The following KLF17 variants were observed in gnomAD, a reference collection of about 807,000 sequenced individuals.
KLF17 encodes KLF transcription factor 17, also known as Krueppel-like factor 17.
KLF17 carries 31 observed loss-of-function variants against 34.2 expected under a neutral mutation model. The observed-to-expected ratio is 0.91, with a 90% confidence interval of 0.68 to 1.22. KLF17 has a LOEUF of 1.22. Among genes scored for constraint, KLF17 ranks in the 50% most tolerant of loss-of-function variants. The pLI, the probability that KLF17 is intolerant of heterozygous loss-of-function variation, is 0.00. For missense variants in KLF17, 478 were observed against 505.2 expected (o/e 0.95, Z 0.52); for synonymous variants, 179 against 186.7 (o/e 0.96, Z 0.34).
the KLF17 span, among the ~76,000 whole-genome samples, chr1:44,070,194 AT>A: frequency 6.6e-6 from 1 of 152,052 alleles, no homozygotes; most frequent in Non-Finnish European, 1.5e-5. Context: ...TTTTTAAGTG[AT>A]TTTTTAAATT....
At position 44,130,393 on chromosome 1, in the gene KLF17, C is replaced by T. The variant is rs979169334; in HGVS notation, c.926-119C>T. 7 of 1,440,028 alleles carry T rather than the reference C, an allele frequency of 4.9e-6. No individual in the cohort carries two copies. The African/African-American group carries it at 5.6e-5, about 12-fold the overall frequency. The allele number at this position is 1,440,028 out of a possible 1,614,324, so 89.2% of individuals were successfully genotyped here. ...GCGGGCACTCCTGATTGTGTTGCCC[C>T]TCCCTGGTTCCCTGGACCTTCCCTT... On this transcript the variant is annotated intron_variant, in intron 2 of 3. Transcript: ENST00000372299.
the KLF17 span, among the ~76,000 whole-genome samples, chr1:44,092,708 A>G: frequency 6.6e-6 from 1 of 151,892 alleles, no homozygotes; most frequent in Admixed American, 6.6e-5. Context: ...GGCTCAAGCA[A>G]TCCTCTCACC....
At chr1:44,122,095 C>A in intron 1 of KLF17, 1 of 1,069,236 alleles carries the variant, frequency 9.4e-7, no homozygotes, top group Admixed American at 1.9e-5. Context: ...ATAAACACAA[C>A]CTGTACAAAA....
At chr1:44,063,846 AC>A in the KLF17 span, among the ~76,000 whole-genome samples, 1 of 152,194 alleles carries the variant, frequency 6.6e-6, no homozygotes, top group South Asian at 2.1e-4. Context: ...GAATCTTGGG[AC>A]CATCTTAGTA....
the KLF17 span, chr1:44,103,460 G>C: frequency 1.2e-6 from 1 of 842,124 alleles, no homozygotes; most frequent in East Asian, 2.4e-5. Flanking sequence ...AGCCCAGACC[G>C]TAGCTGAGGC....
chr1:44,086,515 T>C, the KLF17 span, among the ~76,000 whole-genome samples: 3 of 151,890 alleles, frequency 2.0e-5, no homozygotes, highest in South Asian at 4.1e-4. Context: ...AAAAATAAAT[T>C]AAAAGCAGAG....
the KLF17 span, chr1:44,105,311 G>A: frequency 1.3e-5 from 2 of 152,072 alleles, no homozygotes; most frequent in African/African-American, 4.8e-5. Flanking sequence ...TTTTGAAGTG[G>A]GTGGTGGTGG....
rs769752999 is a variant in KLF17, at chr1:44,129,674, G to C, written c.403G>C (p.Val135Leu). The change falls in exon 2 of 4, where the codon GTA becomes CTA. Residue 135 changes from valine (V) to leucine (L), a missense_variant. Transcript: ENST00000372299. ...TIFSGPQLMP[V>L]GEPNIPRVAR... ...TTTCAGTGGGCCCCAACTAATGCCCGTAGGAGAGCCCAATATTCCAAGGGT... is the reference window on the plus strand; with the variant it reads ...TTTCAGTGGGCCCCAACTAATGCCCCTAGGAGAGCCCAATATTCCAAGGGT... 1 of 1,614,136 alleles carries C rather than the reference G, an allele frequency of 6.2e-7. No individual in the cohort carries two copies. The highest frequency in any genetic ancestry group is 8.5e-7 in the Non-Finnish European group (1 of 1,180,022).
chr1:44,093,809 T>G, the KLF17 span, among the ~76,000 whole-genome samples: 1 of 152,358 alleles, frequency 6.6e-6, no homozygotes, highest in African/African-American at 2.4e-5. Flanking sequence ...GTTAGTCAGA[T>G]AAGGGAAGTT....
chr1:44,049,321 CACA>C, the KLF17 span, among the ~76,000 whole-genome samples: 2 of 152,120 alleles, frequency 1.3e-5, no homozygotes. Context: ...TTGGGGGGCA[CACA>C]ACATTTAGTT....
intron 1 of KLF17, among the ~76,000 whole-genome samples, chr1:44,122,709 T>C (rs1170124226): frequency 6.6e-6 from 1 of 151,896 alleles, no homozygotes; most frequent in Non-Finnish European, 1.5e-5. Flanking sequence ...GCGATTCTCA[T>C]GCCTCAGCCT....
chr1:44,088,107 T>A, the KLF17 span: 1,379 of 182,654 alleles, frequency 7.5e-3, 19 homozygotes, highest in South Asian at 0.02. Context: ...GCACTCTTAT[T>A]TTTATTTATT....
At chr1:44,096,479 A>C in the KLF17 span, among the ~76,000 whole-genome samples, 102 of 151,022 alleles carry the variant, frequency 6.8e-4, no homozygotes, top group Admixed American at 4.0e-3. Context: ...ACTCACTGCA[A>C]GCTCCGCCTC....
At chr1:44,127,535 C>CTCCT (rs758472075) in intron 1 of KLF17, among the ~76,000 whole-genome samples, 1 of 147,868 alleles carries the variant, frequency 6.8e-6, no homozygotes, top group African/African-American at 2.5e-5. Context: ...CCCTCCTTCC[C>CTCCT]TCCTTCCTTC....
intron 1 of KLF17, among the ~76,000 whole-genome samples, chr1:44,123,147 AC>A (rs1252871060): frequency 1.3e-5 from 2 of 152,082 alleles, no homozygotes; most frequent in African/African-American, 2.4e-5. Flanking sequence ...CCCAAAATGA[AC>A]CATGATTGAT....
chr1:44,046,436 A>G, the KLF17 span, among the ~76,000 whole-genome samples: 2 of 151,774 alleles, frequency 1.3e-5, no homozygotes, highest in Admixed American at 1.3e-4. Flanking sequence ...TGCCTAGGCT[A>G]GTCGTGAACT....
At chr1:44,128,555 C>A (rs778398033) in intron 1 of KLF17, among the ~76,000 whole-genome samples, 3 of 152,108 alleles carry the variant, frequency 2.0e-5, no homozygotes, top group Non-Finnish European at 2.9e-5. Flanking sequence ...TCAGACCTGC[C>A]CAGGCAGTTC....
At chr1:44,084,442 C>A in the KLF17 span, among the ~76,000 whole-genome samples, 1 of 151,976 alleles carries the variant, frequency 6.6e-6, no homozygotes, top group Non-Finnish European at 1.5e-5. Flanking sequence ...CTTTGGGAAG[C>A]CAAGGTGGGA....
the KLF17 span, among the ~76,000 whole-genome samples, chr1:44,107,357 G>A: frequency 1.5e-4 from 23 of 152,158 alleles, no homozygotes; most frequent in Non-Finnish European, 2.5e-4. Context: ...CACCCGCCTC[G>A]GCTTCCCAAA....
Sources: allele counts gnomAD v4.1 joint callset (sites outside exome capture counted in the v4.1 genomes callset), GRCh38; gene constraint gnomAD v4.1.1; transcripts MANE v1.5; gene names NCBI Gene and HGNC (gene_info 2026-07-23, HGNC 2026-07-21).